The following ADAMTS10 variants were observed in gnomAD, a reference collection of about 807,000 sequenced individuals.
ADAMTS10 encodes the protein A disintegrin and metalloproteinase with thrombospondin motifs 10.
In ADAMTS10, 48 loss-of-function variants were observed where a neutral mutation model predicts 135.9. The ratio of observed to expected loss-of-function variants is 0.35; its 90% CI spans 0.28 to 0.45. The LOEUF (loss-of-function observed/expected upper bound fraction) is 0.45, where lower values mean the gene tolerates loss of function less well. ADAMTS10 is among the 20% of genes least tolerant of loss of function. The pLI is 1.00. For synonymous variants in ADAMTS10, 621 were observed against 647.5 expected (o/e 0.96, Z 0.62); for missense variants, 1,131 against 1,565.2 (o/e 0.72, Z 4.68).
chr19:8,608,517 CCT>C (rs1403866733), intron 1 of ADAMTS10, among the ~76,000 whole-genome samples: 2 of 152,082 alleles, frequency 1.3e-5, no homozygotes. Flanking sequence ...TGGTTGGGCA[CCT>C]CTGACCCCCG....
At chr19:8,602,992 C>T (rs2042682865) in intron 5 of ADAMTS10, among the ~76,000 whole-genome samples, 1 of 152,146 alleles carries the variant, frequency 6.6e-6, no homozygotes, top group Non-Finnish European at 1.5e-5. Context: ...CTTTCCTTCT[C>T]TCTCATTTCT....
In ADAMTS10 at chr19:8,586,104, C is replaced by T; in HGVS notation, c.2660+18G>A. On this transcript the variant is annotated intron_variant, in intron 22 of 25. Transcript: ENST00000597188. Reference sequence around the variant, plus strand: ...TCTCCTCTCACCCTGAGCAACACTGCCCCCTGGCGGCACTCACTCTGGAGG... The same window carrying T: ...TCTCCTCTCACCCTGAGCAACACTGTCCCCTGGCGGCACTCACTCTGGAGG... 6.2e-7 allele frequency: 1 copy of T among 1,612,474 alleles called. No homozygotes were observed. The highest frequency in any genetic ancestry group is 8.5e-7 in the Non-Finnish European group (1 of 1,179,930).
chr19:8,590,004 G>A lies in ADAMTS10; in HGVS notation c.1798-13C>T. On this transcript the variant is annotated splice_polypyrimidine_tract_variant and intron_variant, in intron 15 of 25. Transcript: ENST00000597188. ...CAGGGGGACAGTCCTGGGGGCAGGA[G>A]AGGAGAGATGGAGGGAGGCCAGGCT... is the stretch of plus-strand genomic sequence containing the variant. 6.2e-7 allele frequency: 1 copy of A among 1,602,034 alleles called. No individual in the cohort carries two copies. Among genetic ancestry groups the A allele is most frequent in the Non-Finnish European group, 8.5e-7 (1 of 1,170,418 alleles).
In ADAMTS10 at chr19:8,596,903, G is replaced by A; in HGVS notation, c.1040+84C>T. On this transcript the variant is annotated intron_variant, in intron 8 of 25. Transcript: ENST00000597188. This position sits in a 1 kb window ranked among gnomAD's most constrained non-coding sequence, Gnocchi z 7.2. The stretch of plus-strand genomic sequence containing the variant: ...TTCTCTGCTCCTCCTGACCCTAGCA[G>A]AAGTGATCTCTGTTTGGACTCTCAT... 1 of 1,592,714 alleles carries A rather than the reference G, an allele frequency of 6.3e-7. No homozygotes were observed. Among genetic ancestry groups the A allele is most frequent in the Non-Finnish European group, 8.5e-7 (1 of 1,173,412 alleles).
chr19:8,581,594 G>A (rs1376346081), intron 25 of ADAMTS10, among the ~76,000 whole-genome samples: 5 of 152,036 alleles, frequency 3.3e-5, no homozygotes, highest in African/African-American at 1.2e-4. Context: ...CAGCACTTTG[G>A]GAGGCCGAGG....
intron 12 of ADAMTS10, 42 bp downstream of exon 12, chr19:8,595,720 C>T (rs782310549): frequency 6.4e-7 from 1 of 1,572,332 alleles, no homozygotes; most frequent in Non-Finnish European, 8.7e-7. Flanking sequence ...CCCCAGCGGC[C>T]CCCTCCCCTC....
chr19:8,599,434 G>A (rs534132812), intron 6 of ADAMTS10, among the ~76,000 whole-genome samples: 49 of 151,994 alleles, frequency 3.2e-4, no homozygotes, highest in East Asian at 5.8e-4. Flanking sequence ...GGGTTCAAGC[G>A]ATTCTCCTGT....
rs782289916 is a variant in ADAMTS10, at chr19:8,596,035, T to C, written c.1337+38A>G. On this transcript the variant is annotated intron_variant, in intron 11 of 25. Transcript: ENST00000597188. This position sits in a 1 kb window ranked among gnomAD's most constrained non-coding sequence, Gnocchi z 7.2. ...CCCGTGTACCCTGCCCCACCATGAG[T>C]GTGACCCGCTCTGAGGGACACCCAG... 1.2e-6 allele frequency: 2 copies of C among 1,613,912 alleles called. No homozygotes were observed. The highest frequency in any genetic ancestry group is 2.2e-5 in the South Asian group (2 of 91,072).
chr19:8,605,223 C>T lies in ADAMTS10; in HGVS notation c.224G>A (p.Arg75His), dbSNP rs782284290. ...GGGCGAGGCCACTTTGTAGAAGAGG[C>T]GGGACTCGGCTGTGGCCCCCGTGCC... The part of the protein sequence containing the change: ...RRGTGATAES[R>H]LFYKVASPST... Residue 75 changes from arginine to histidine, a missense_variant, in exon 4 of 26, where the codon CGC becomes CAC. By Grantham distance (29) the Arg-to-His change is conservative. Around this residue, in one of 3 missense-constraint regions of ADAMTS10, gnomAD observed 306 missense variants for 344.4 expected, o/e 0.89. Coordinates refer to ENST00000597188, the MANE Select transcript of ADAMTS10 (RefSeq NM_030957.4). This position sits in a 1 kb window ranked among gnomAD's most constrained non-coding sequence, Gnocchi z 7.7. The T allele has an allele frequency of 1.2e-5, 19 of 1,613,596 alleles. No individual in the cohort carries two copies. Among genetic ancestry groups the T allele is most frequent in the Admixed American group, 3.3e-5 (2 of 59,978 alleles).
intron 6 of ADAMTS10, 62 bp from the exon 7 acceptor site, chr19:8,597,379 G>A: frequency 6.8e-7 from 1 of 1,469,592 alleles, no homozygotes; most frequent in Non-Finnish European, 9.4e-7. Flanking sequence ...AAAATGAAAA[G>A]CAAAAACAAT....
rs1489995711 is a variant in ADAMTS10 at position 8,580,599 on chromosome 19, G to T, written c.*294C>A. 1 of 406,036 alleles carries T rather than the reference G, an allele frequency of 2.5e-6. No homozygotes were observed. The highest frequency in any genetic ancestry group is 2.1e-5 in the African/African-American group (1 of 48,678). 25.2% of individuals were successfully genotyped at this position (406,036 alleles called of 1,614,324 possible). A position where few individuals can be genotyped will look rare whatever the true frequency, so the allele number is the denominator to read the frequency against. ...GGGGAGTGTTGGGGACTCCCTAAGG[G>T]TGGGTTCAAAGGGTGCTGGGGTGAA... On this transcript the variant is annotated 3_prime_UTR_variant, in exon 26 of 26. Coordinates refer to ENST00000597188, the MANE Select transcript of ADAMTS10 (RefSeq NM_030957.4).
In ADAMTS10 at chr19:8,603,872, C is replaced by T. The variant is rs146637359; in HGVS notation, c.448G>A (p.Val150Met). ...ATCAGGTACTCTTCCTCGTCTGCCA[C>T]GATCAGGCCGTGCTGGGTTTTGAGA... is the stretch of plus-strand genomic sequence containing the variant. ...STCGGLHGLI[V>M]ADEEEYLIEP... Residue 150 changes from valine (V) to methionine (M), a missense_variant, in exon 5 of 26, where the codon GTG becomes ATG. Physicochemically the swap from Val to Met is conservative, Grantham distance 21. Around this residue, in one of 3 missense-constraint regions of ADAMTS10, gnomAD observed 306 missense variants for 344.4 expected, o/e 0.89. Coordinates refer to ENST00000597188, the MANE Select transcript of ADAMTS10 (RefSeq NM_030957.4). 35 of 1,611,380 alleles carry T rather than the reference C, an allele frequency of 2.2e-5. No individual in the cohort carries two copies. The highest frequency in any genetic ancestry group is 2.8e-5 in the Non-Finnish European group (33 of 1,177,988).
At chr19:8,591,765 T>TCCC in intron 15 of ADAMTS10, 35 bp downstream of exon 15, 1 of 1,611,822 alleles carries the variant, frequency 6.2e-7, no homozygotes, top group Non-Finnish European at 8.5e-7. Context: ...TAATGCTTCC[T>TCCC]CCCCCCACCC....
chr19:8,585,114 T>C lies in ADAMTS10; in HGVS notation c.3042+18A>G. The C allele has an allele frequency of 6.9e-7, 1 of 1,458,278 alleles. No homozygotes were observed. The highest frequency in any genetic ancestry group is 9.0e-7 in the Non-Finnish European group (1 of 1,110,416). 90.3% of individuals were successfully genotyped at this position (1,458,278 alleles called of 1,614,324 possible). A position where few individuals can be genotyped will look rare whatever the true frequency, so the allele number is the denominator to read the frequency against. ...GCCCCTGCCCTGGCCCCCACCCCTC[T>C]GGGGCGCGCCCTCCTACCTCACCCC... is the stretch of plus-strand genomic sequence containing the variant. On this transcript the variant is annotated intron_variant, in intron 24 of 25. Coordinates refer to ENST00000597188, the MANE Select transcript of ADAMTS10 (RefSeq NM_030957.4).
chr19:8,600,637 T>C (rs1363931623), intron 6 of ADAMTS10, among the ~76,000 whole-genome samples: 1 of 151,874 alleles, frequency 6.6e-6, no homozygotes, highest in East Asian at 1.9e-4. Context: ...TAGCTGGGAC[T>C]ACAGGCGCCC....
At chr19:8,609,549 C>G (rs986295569) in intron 1 of ADAMTS10, among the ~76,000 whole-genome samples, 26 of 152,218 alleles carry the variant, frequency 1.7e-4, no homozygotes, top group African/African-American at 5.1e-4. Context: ...GGCCTCCTCC[C>G]GGCTGCACAT....
intron 2 of ADAMTS10, among the ~76,000 whole-genome samples, chr19:8,607,758 G>A (rs111392301): frequency 6.6e-6 from 1 of 151,350 alleles, no homozygotes; most frequent in Non-Finnish European, 1.5e-5. Flanking sequence ...TGTGACCCCT[G>A]TTGCACTCTT....
In ADAMTS10 at chr19:8,585,499, C is replaced by T; in HGVS notation, c.2822G>A (p.Gly941Asp). The T allele has an allele frequency of 6.5e-7, 1 of 1,541,766 alleles. No individual in the cohort carries two copies. Among genetic ancestry groups the T allele is most frequent in the Non-Finnish European group, 8.8e-7 (1 of 1,141,634 alleles). The change falls in exon 23 of 26, where the codon GGC (glycine) becomes GAC (aspartate). Residue 941 changes from glycine (G) to aspartate (D), a missense_variant. By Grantham distance (94) the Gly-to-Asp change is moderately conservative. Coordinates refer to ENST00000597188, the MANE Select transcript of ADAMTS10 (RefSeq NM_030957.4). ...CGCCCACTCCGGAGGGCAAGTGGGGCCGTGGCAGGCCTCCAGTACAGGTGG... is the reference window on the plus strand; with the variant it reads ...CGCCCACTCCGGAGGGCAAGTGGGGTCGTGGCAGGCCTCCAGTACAGGTGG... ...PRPPVLEACH[G>D]PTCPPEWAAL...
Position 8,596,702 on chromosome 19 carries a change from C to T in ADAMTS10, c.1041-117G>A. ...CCTTGGAGGCGCCATCTGCCTCTCACCTGAAGCTGCATACAGGAGTGACTG... is the reference window on the plus strand; with the variant it reads ...CCTTGGAGGCGCCATCTGCCTCTCATCTGAAGCTGCATACAGGAGTGACTG... On this transcript the variant is annotated intron_variant, in intron 8 of 25. Coordinates refer to ENST00000597188, the MANE Select transcript of ADAMTS10 (RefSeq NM_030957.4). This position sits in a 1 kb window ranked among gnomAD's most constrained non-coding sequence, Gnocchi z 7.2. 7.7e-7 allele frequency: 1 copy of T among 1,303,288 alleles called. No homozygotes were observed. 80.7% of individuals were successfully genotyped at this position (1,303,288 alleles called of 1,614,324 possible). A position where few individuals can be genotyped will look rare whatever the true frequency, so the allele number is the denominator to read the frequency against.
Sources: gnomAD v4.1 joint callset for allele counts (sites outside exome capture counted in the v4.1 genomes callset) on GRCh38, gnomAD v4.1.1 for gene constraint, gnomAD v4.1.1 regional missense constraint, Gnocchi (gnomAD v3.1) non-coding constraint, MANE v1.5 for transcripts, NCBI Gene and HGNC (gene_info 2026-07-23, HGNC 2026-07-21) for gene names.